The following EML5 variants were observed in gnomAD, a reference collection of about 807,000 sequenced individuals.
EML5 encodes echinoderm microtubule-associated protein-like 5.
EML5 carries 120 observed loss-of-function variants against 250.0 expected under a neutral mutation model. The observed-to-expected ratio is 0.48, with a 90% CI of 0.41 to 0.56. EML5 has a LOEUF of 0.56. Ranked by LOEUF, EML5 falls within the 20% of genes least tolerant of loss-of-function variation. The probability of loss-of-function intolerance (pLI) is 0.00; values close to 1 mark genes in which losing one functional copy is unlikely to be tolerated. For synonymous variants in EML5, 771 were observed against 806.5 expected, an observed-to-expected ratio of 0.96 and a Z score of 0.75; for missense variants, 2,006 against 2,437.6, an observed-to-expected ratio of 0.82 and a Z score of 3.73.
chr14:88,671,814 T>C lies in EML5; in HGVS notation c.3125-6325A>G, dbSNP rs1480180174. 3.3e-5 allele frequency among the ~76,000 whole-genome samples: 5 copies of C among 152,244 alleles called. No individual in the cohort carries two copies. The East Asian group carries it at 9.6e-4, about 29-fold the overall frequency. The stretch of plus-strand genomic sequence containing the variant: ...TCAAAAAAGACAAAGATGGGCATTG[T>C]ATAATGGAAATGGGATCAATTCAAC... On this transcript the variant is annotated intron_variant, in intron 21 of 43. Transcript: ENST00000554922.
At chr14:88,686,782 G>A (rs1470394707) in intron 19 of EML5, among the ~76,000 whole-genome samples, 2 of 152,122 alleles carry the variant, frequency 1.3e-5, no homozygotes, top group African/African-American at 4.8e-5. Flanking sequence ...CTGCACTCCA[G>A]CCTGGGCAGC....
intron 1 of EML5, among the ~76,000 whole-genome samples, chr14:88,785,796 G>A (rs2094545422): frequency 6.6e-6 from 1 of 152,112 alleles, no homozygotes; most frequent in African/African-American, 2.4e-5. Context: ...CTCCTAAGTG[G>A]TCTCCCTGCT....
chr14:88,665,487 C>T lies in EML5; in HGVS notation c.3127G>A (p.Gly1043Arg). 6.2e-7 allele frequency: 1 copy of T among 1,613,682 alleles called. No homozygotes were observed. Among genetic ancestry groups the T allele is most frequent in the Non-Finnish European group, 8.5e-7 (1 of 1,179,804 alleles). Reference sequence around the variant, plus strand: ...TCAGGAGAAAAACAGCAACACCTCCCACCTGAAAGAGAAAGAGCATATTAG... The same window carrying T: ...TCAGGAGAAAAACAGCAACACCTCCTACCTGAAAGAGAAAGAGCATATTAG... ...MLAVRKLKKGGRCCCFSPDGK... is the reference protein window; with the variant it reads ...MLAVRKLKKGRRCCCFSPDGK... The change falls in exon 22 of 44, where the codon GGG becomes AGG. Residue 1043 changes from glycine to arginine, a missense_variant and splice_region_variant. By Grantham distance (125) the Gly-to-Arg change is moderately radical (BLOSUM62 -2). Around this residue, in one of 7 missense-constraint regions of EML5, gnomAD observed 1,375 missense variants for 1,590.3 expected, o/e 0.86. Transcript: ENST00000554922.
At chr14:88,626,577 A>G (rs2089973535) in intron 35 of EML5, 1 of 438,226 alleles carries the variant, frequency 2.3e-6, no homozygotes, top group Non-Finnish European at 4.2e-6. Context: ...TAATCGCACC[A>G]TTGCACCCCA....
chr14:88,712,399 C>G lies in EML5; in HGVS notation c.1529G>C (p.Gly510Ala), dbSNP rs575879890. 6.2e-7 allele frequency: 1 copy of G among 1,613,620 alleles called. No homozygotes were observed. Among genetic ancestry groups the G allele is most frequent in the East Asian group, 2.2e-5 (1 of 44,808 alleles). ...GATATCTGAATACTTGGGCCAAATT[C>G]CATTTACTTCAAGGCCTGAAACACA... Reference protein sequence around the residue: ...WTCVSGLEVNGIWPKYSDIND... With the variant: ...WTCVSGLEVNAIWPKYSDIND... Residue 510 changes from glycine (G) to alanine (A), a missense_variant, in exon 10 of 44, where the codon GGA becomes GCA. Around this residue, in one of 7 missense-constraint regions of EML5, gnomAD observed 1,375 missense variants for 1,590.3 expected, o/e 0.86. Coordinates refer to ENST00000554922, the MANE Select transcript of EML5 (RefSeq NM_183387.3).
At chr14:88,643,109 T>A (rs1178136138) in intron 30 of EML5, 87 bp from the exon 31 acceptor site, 76 of 1,258,018 alleles carry the variant, frequency 6.0e-5, no homozygotes, top group Non-Finnish European at 8.1e-5. Context: ...ACTAGTAGTG[T>A]CTGCAGTCAA....
At chr14:88,682,390 A>T (rs2092732296) in intron 20 of EML5, among the ~76,000 whole-genome samples, 1 of 150,302 alleles carries the variant, frequency 6.7e-6, no homozygotes, top group Admixed American at 6.6e-5. Context: ...CTCACCAGTG[A>T]AACTAGTAAA....
chr14:88,625,241 C>T (rs1183527059), intron 35 of EML5, 114 bp from the exon 36 acceptor site: 6 of 1,244,858 alleles, frequency 4.8e-6, no homozygotes, highest in African/African-American at 4.5e-5. Context: ...AAAGAGCATG[C>T]ATCGTGTAGT....
intron 1 of EML5, among the ~76,000 whole-genome samples, chr14:88,763,267 TAAAG>T (rs1297493837): frequency 2.6e-5 from 4 of 151,050 alleles, no homozygotes; most frequent in South Asian, 2.1e-4. Flanking sequence ...GCAAGACTAA[TAAAG>T]AAGAAAAGAG....
At chr14:88,708,025 T>C (rs2093346956) in intron 10 of EML5, among the ~76,000 whole-genome samples, 1 of 152,216 alleles carries the variant, frequency 6.6e-6, no homozygotes, top group Non-Finnish European at 1.5e-5. Context: ...GATCTGCCTA[T>C]ACCGAGTGAT....
chr14:88,725,706 G>A (rs2093656486), intron 8 of EML5, among the ~76,000 whole-genome samples: 1 of 152,184 alleles, frequency 6.6e-6, no homozygotes. Context: ...GTGAAGAAAG[G>A]TCTTGAGGGA....
chr14:88,627,992 T>C, intron 33 of EML5, 173 bp from the exon 34 acceptor site: 4 of 724,320 alleles, frequency 5.5e-6, no homozygotes, highest in Non-Finnish European at 9.6e-6. Context: ...AAAGGAGTTT[T>C]GGGGGTGGGG....
rs980058579 is a variant in EML5 at position 88,698,118 on chromosome 14, A to C, written c.2239-1166T>G. Among the ~76,000 whole-genome samples the C allele has an allele frequency of 3.9e-5, 6 of 152,190 alleles. 1 individual carries two copies. Among genetic ancestry groups the C allele is most frequent in the Non-Finnish European group, 8.8e-5 (6 of 68,040 alleles). On this transcript the variant is annotated intron_variant, in intron 14 of 43. Transcript: ENST00000554922. ...CTAAGTTATTCAGCCAAACATTACCAGTAACTTTTTAGAAAATTTTTAACA... is the reference window on the plus strand; with the variant it reads ...CTAAGTTATTCAGCCAAACATTACCCGTAACTTTTTAGAAAATTTTTAACA...
chr14:88,625,569 T>C (rs1484325517), intron 35 of EML5: 21 of 155,984 alleles, frequency 1.3e-4, no homozygotes, highest in Admixed American at 1.3e-3. Flanking sequence ...GCCCGGCTAA[T>C]TTTTGTATTT....
chr14:88,729,433 T>G (rs1391191764), intron 7 of EML5, among the ~76,000 whole-genome samples: 1 of 152,216 alleles, frequency 6.6e-6, no homozygotes, highest in African/African-American at 2.4e-5. Flanking sequence ...GGAATAATTT[T>G]TACATTTTTA....
chr14:88,696,049 T>G (rs1230060834), intron 15 of EML5, among the ~76,000 whole-genome samples: 2 of 152,004 alleles, frequency 1.3e-5, no homozygotes, highest in African/African-American at 2.4e-5. Context: ...TATTTTCCAT[T>G]TTACCACACT....
intron 9 of EML5, among the ~76,000 whole-genome samples, chr14:88,713,029 T>C (rs1388409134): frequency 6.6e-6 from 1 of 152,192 alleles, no homozygotes; most frequent in Non-Finnish European, 1.5e-5. Flanking sequence ...AATTGAATTA[T>C]GCAGCTAATT....
chr14:88,697,087 A>G (rs2093096462), intron 14 of EML5, 135 bp from the exon 15 acceptor site: 1 of 590,726 alleles, frequency 1.7e-6, no homozygotes, highest in East Asian at 3.1e-5. Flanking sequence ...AATTTAAAGC[A>G]AACTATATAA....
chr14:88,760,111 C>T (rs1294032243), intron 1 of EML5, among the ~76,000 whole-genome samples: 1 of 152,126 alleles, frequency 6.6e-6, no homozygotes, highest in East Asian at 1.9e-4. Context: ...ATATTTTCTC[C>T]CAGACTGTAG....
Sources: allele counts gnomAD v4.1 joint callset (sites outside exome capture counted in the v4.1 genomes callset), GRCh38; gene constraint gnomAD v4.1.1; regional missense constraint gnomAD v4.1.1; transcripts MANE v1.5; gene names NCBI Gene and HGNC (gene_info 2026-07-23, HGNC 2026-07-21).